Variants in DDX47 observed in about 807,000 individuals in gnomAD.
DDX47 encodes DEAD-box helicase 47, also known as probable ATP-dependent RNA helicase DDX47.
In DDX47, 60 loss-of-function variants were observed where a neutral mutation model predicts 58.8. The ratio of observed to expected loss-of-function variants is 1.02; its 90% CI spans 0.83 to 1.26. The LOEUF (loss-of-function observed/expected upper bound fraction) is 1.26, where lower values mean the gene tolerates loss of function less well. DDX47 is among the 50% of genes most tolerant of loss of function. The pLI, the probability that DDX47 is intolerant of heterozygous loss-of-function variation, is 0.00. For synonymous variants in DDX47, 197 were observed against 204.6 expected (o/e 0.96, Z 0.32); for missense variants, 530 against 573.2 (o/e 0.92, Z 0.77).
intron 8 of DDX47, 154 bp downstream of exon 8, chr12:12,824,170 T>TA: frequency 1.1e-6 from 1 of 937,374 alleles, no homozygotes; most frequent in Non-Finnish European, 1.6e-6. Flanking sequence ...TCTAGATACT[T>TA]ACTTTCTCCT....
Position 12,822,743 on chromosome 12 carries a change from C to T in DDX47, c.633+11C>T. Reference sequence around the variant, plus strand: ...ACCATGACCAAGAAGGTGAAATTTGCTAGGACTTTTGTTTCTTCTTTATGA... The same window carrying T: ...ACCATGACCAAGAAGGTGAAATTTGTTAGGACTTTTGTTTCTTCTTTATGA... On this transcript the variant is annotated intron_variant, in intron 6 of 11. Transcript: ENST00000358007. The T allele has an allele frequency of 6.2e-7, 1 of 1,609,574 alleles. No individual in the cohort carries two copies. Among genetic ancestry groups the T allele is most frequent in the Non-Finnish European group, 8.5e-7 (1 of 1,176,230 alleles).
intron 2 of DDX47, among the ~76,000 whole-genome samples, chr12:12,817,625 G>A (rs929879513): frequency 4.6e-5 from 7 of 152,198 alleles, no homozygotes; most frequent in Non-Finnish European, 7.3e-5. Flanking sequence ...CATATAGCAA[G>A]CGCTTATGTT....
intron 11 of DDX47, among the ~76,000 whole-genome samples, chr12:12,828,085 T>G (rs368699918): frequency 5.9e-5 from 9 of 151,970 alleles, no homozygotes; most frequent in African/African-American, 2.2e-4. Flanking sequence ...GGCGAACTTC[T>G]GACCTCAGGT....
chr12:12,821,739 CA>C lies in DDX47; in HGVS notation c.442+16del. 6.3e-7 allele frequency: 1 copy of C among 1,596,388 alleles called. No homozygotes were observed. Among genetic ancestry groups the C allele is most frequent in the South Asian group, 1.1e-5 (1 of 90,734 alleles). On this transcript the variant is annotated intron_variant, in intron 4 of 11. Transcript: ENST00000358007. The stretch of plus-strand genomic sequence containing the variant: ...CATATAATAATAGGTGAGTAACTGA[CA>C]AAGGTAAAAGACACTGGCAGTGATG...
Position 12,827,370 on chromosome 12 carries a change from C to A in DDX47, c.1231C>A (p.Arg411=). ...CGTCGCTGAAGCCCAAAGGTTTGCC[C>A]GAATGGTATGCATCTTTCTTTTCTC... ...ERVAEAQRFA[R]MELREHGEKK... Residue 411 remains arginine, a synonymous_variant, in exon 11 of 12, where the codon CGA becomes AGA. Coordinates refer to ENST00000358007, the MANE Select transcript of DDX47 (RefSeq NM_016355.4). 1.2e-6 allele frequency: 2 copies of A among 1,613,984 alleles called. No homozygotes were observed. The highest frequency in any genetic ancestry group is 1.7e-6 in the Non-Finnish European group (2 of 1,179,988).
intron 2 of DDX47, among the ~76,000 whole-genome samples, chr12:12,815,149 G>A (rs1275879450): frequency 6.6e-6 from 1 of 152,102 alleles, no homozygotes; most frequent in East Asian, 1.9e-4. Flanking sequence ...TGTTATAAGA[G>A]GGGTAATGTG....
rs974608212 is a variant in DDX47, at chr12:12,813,423, A to G, written c.56A>G (p.Glu19Gly). ...ACCGAAGCGTCCCAGCCGATTGTGGAAGAGGAGGAAACTAAAACATTTAAA... is the reference window on the plus strand; with the variant it reads ...ACCGAAGCGTCCCAGCCGATTGTGGGAGAGGAGGAAACTAAAACATTTAAA... ...SPTEASQPIV[E>G]EEETKTFKDL... Residue 19 changes from glutamate to glycine, a missense_variant, in exon 1 of 12, where the codon GAA becomes GGA. Coordinates refer to ENST00000358007, the MANE Select transcript of DDX47 (RefSeq NM_016355.4). 4 of 1,612,902 alleles carry G rather than the reference A, an allele frequency of 2.5e-6. No individual in the cohort carries two copies. The highest frequency in any genetic ancestry group is 4.5e-5 in the East Asian group (2 of 44,846).
intron 11 of DDX47, 48 bp downstream of exon 11, chr12:12,827,423 T>C (rs1033937809): frequency 6.3e-7 from 1 of 1,597,986 alleles, no homozygotes; most frequent in Non-Finnish European, 8.5e-7. Context: ...CAATGTTAAC[T>C]GTGTGCCACT....
chr12:12,818,516 G>A (rs887232286), intron 2 of DDX47, among the ~76,000 whole-genome samples: 49 of 149,250 alleles, frequency 3.3e-4, no homozygotes, highest in African/African-American at 1.2e-3. Flanking sequence ...GCAAGACTCT[G>A]TCTAAAAAAA....
intron 2 of DDX47, among the ~76,000 whole-genome samples, chr12:12,819,333 A>G (rs1862937790): frequency 6.6e-6 from 1 of 150,668 alleles, no homozygotes; most frequent in Non-Finnish European, 1.5e-5. Flanking sequence ...TGTATTCTTC[A>G]GAATCATCTA....
chr12:12,827,968 C>T (rs377723215), intron 11 of DDX47, among the ~76,000 whole-genome samples: 7 of 151,192 alleles, frequency 4.6e-5, no homozygotes, highest in Admixed American at 2.6e-4. Context: ...CTCCGCCTCC[C>T]GGGTTCAAGC....
chr12:12,821,940 G>T (rs911227584), intron 4 of DDX47, 25 bp from the exon 5 acceptor site: 2 of 1,467,080 alleles, frequency 1.4e-6, no homozygotes, highest in Non-Finnish European at 9.5e-7. Flanking sequence ...AAATGTCACT[G>T]TTTCTCCTCA....
intron 11 of DDX47, 105 bp from the exon 12 acceptor site, chr12:12,829,318 T>G (rs1863096689): frequency 1.5e-6 from 2 of 1,297,900 alleles, no homozygotes; most frequent in East Asian, 5.0e-5. Context: ...ATGTCAGGCA[T>G]CAGCAAGTTA....
At chr12:12,826,348 G>A (rs1863051019) in intron 10 of DDX47, 2 of 250,006 alleles carry the variant, frequency 8.0e-6, no homozygotes, top group Non-Finnish European at 7.6e-6. Flanking sequence ...GAAAGTATTA[G>A]AATAACTATT....
chr12:12,821,511 A>G (rs1380120342), intron 3 of DDX47, 115 bp downstream of exon 3: 10 of 1,440,478 alleles, frequency 6.9e-6, no homozygotes, highest in Non-Finnish European at 9.7e-6. Flanking sequence ...TAAAGAGCTA[A>G]TGTTGTATTT....
Position 12,826,065 on chromosome 12 carries a change from C to A in DDX47, c.1101C>A (p.Val367=). 2 of 1,613,326 alleles carry A rather than the reference C, an allele frequency of 1.2e-6. No homozygotes were observed. The highest frequency in any genetic ancestry group is 2.2e-5 in the South Asian group (2 of 90,904). Residue 367 remains valine, a synonymous_variant, in exon 10 of 12, where the codon GTC becomes GTA. Transcript: ENST00000358007. ...GCTCCGGAAAGGCTATTACTTTTGT[C>A]ACACAGTAAGTAAATCAGCTTTAGG... ...AGRSGKAITF[V]TQYDVELFQR...
intron 2 of DDX47, among the ~76,000 whole-genome samples, chr12:12,819,137 C>G (rs1473506694): frequency 6.6e-6 from 1 of 152,160 alleles, no homozygotes; most frequent in African/African-American, 2.4e-5. Context: ...AGCTGCCTTC[C>G]TCCTTAATTT....
rs117640475 is a variant in DDX47, at chr12:12,815,644, G to A, written c.181+1420G>A. Among the ~76,000 whole-genome samples the A allele has an allele frequency of 9.7e-3, 1,474 of 152,270 alleles. 17 individuals carry two copies. Among genetic ancestry groups the A allele is most frequent in the Middle Eastern group, 0.027 (8 of 294 alleles). The stretch of plus-strand genomic sequence containing the variant: ...ATTTAGACATTCAGATATGATGGGA[G>A]GGGAGGACTTTCTAGGCATAGGGAA... On this transcript the variant is annotated intron_variant, in intron 2 of 11. Transcript: ENST00000358007.
At chr12:12,823,364 C>A in intron 7 of DDX47, 45 bp downstream of exon 7, 1 of 1,147,614 alleles carries the variant, frequency 8.7e-7, no homozygotes, top group South Asian at 1.2e-5. Context: ...CTCTTCTTTT[C>A]ACCAAAGCAT....
Sources: gnomAD v4.1 joint callset for allele counts (sites outside exome capture counted in the v4.1 genomes callset) on GRCh38, gnomAD v4.1.1 for gene constraint, MANE v1.5 for transcripts, NCBI Gene and HGNC (gene_info 2026-07-23, HGNC 2026-07-21) for gene names.